DRC11: variants seen among roughly 807,000 people sequenced by gnomAD.
DRC11 encodes the protein dynein regulatory complex subunit 11.
chr2:236,392,312 G>A, the DRC11 span: 1 of 1,599,120 alleles, frequency 6.3e-7, no homozygotes. The surrounding 1 kb of genome is among the most constrained non-coding windows in gnomAD (Gnocchi z 5.1). Flanking sequence ...TCATAGTCCT[G>A]AGAGAAATTC....
At chr2:236,432,134 G>A in the DRC11 span, among the ~76,000 whole-genome samples, 4 of 152,108 alleles carry the variant, frequency 2.6e-5, no homozygotes, top group East Asian at 5.8e-4. Flanking sequence ...GTGTGAAATA[G>A]CATTACATTT....
chr2:236,371,552 C>T, the DRC11 span, among the ~76,000 whole-genome samples: 1 of 152,274 alleles, frequency 6.6e-6, no homozygotes, highest in South Asian at 2.1e-4. This position sits in a 1 kb window ranked among gnomAD's most constrained non-coding sequence, Gnocchi z 5.1. Context: ...GTCTGCAATG[C>T]CGTGTTGTCA....
At chr2:236,423,199 A>C in the DRC11 span, among the ~76,000 whole-genome samples, 1 of 151,962 alleles carries the variant, frequency 6.6e-6, no homozygotes, top group African/African-American at 2.4e-5. Flanking sequence ...AAATTGACAA[A>C]TGGGATCTAA....
the DRC11 span, among the ~76,000 whole-genome samples, chr2:236,449,512 A>G: frequency 6.6e-6 from 1 of 152,206 alleles, no homozygotes; most frequent in Non-Finnish European, 1.5e-5. This position sits in a 1 kb window ranked among gnomAD's most constrained non-coding sequence, Gnocchi z 5.1. Context: ...CGAGCCCCAC[A>G]GTCCGGAGGC....
chr2:236,427,058 C>T, the DRC11 span, among the ~76,000 whole-genome samples: 1 of 152,168 alleles, frequency 6.6e-6, no homozygotes, highest in South Asian at 2.1e-4. The surrounding 1 kb of genome is among the most constrained non-coding windows in gnomAD (Gnocchi z 5.9). Context: ...ATCCCTCATT[C>T]TGTTAATGTG....
chr2:236,332,567 T>A, the DRC11 span: 3 of 152,168 alleles, frequency 2.0e-5, no homozygotes, highest in Non-Finnish European at 4.4e-5. The surrounding 1 kb of genome is among the most constrained non-coding windows in gnomAD (Gnocchi z 5.1). Context: ...AACCATTTTT[T>A]AAAAAATGAC....
chr2:236,366,141 T>C, the DRC11 span, among the ~76,000 whole-genome samples: 6 of 152,152 alleles, frequency 3.9e-5, no homozygotes, highest in Non-Finnish European at 7.4e-5. Flanking sequence ...TTCTCCCTGA[T>C]CTCTACGTGG....
chr2:236,497,580 C>T, the DRC11 span: 2 of 828,494 alleles, frequency 2.4e-6, no homozygotes, highest in South Asian at 1.8e-5. The surrounding 1 kb of genome is among the most constrained non-coding windows in gnomAD (Gnocchi z 5.1). Flanking sequence ...AAATATAACA[C>T]AGAATCAAGT....
the DRC11 span, among the ~76,000 whole-genome samples, chr2:236,307,029 G>T: frequency 6.6e-6 from 1 of 152,132 alleles, no homozygotes; most frequent in Non-Finnish European, 1.5e-5. The surrounding 1 kb of genome is among the most constrained non-coding windows in gnomAD (Gnocchi z 7.0). Context: ...ATGGGGCGGG[G>T]TGATTGTGGG....
the DRC11 span, among the ~76,000 whole-genome samples, chr2:236,411,154 A>G: frequency 6.6e-6 from 1 of 151,126 alleles, no homozygotes; most frequent in Non-Finnish European, 1.5e-5. Flanking sequence ...TCATCTGACA[A>G]AGGGCTAATA....
chr2:236,480,498 C>T, the DRC11 span, among the ~76,000 whole-genome samples: 2 of 152,164 alleles, frequency 1.3e-5, no homozygotes, highest in Admixed American at 1.3e-4. Context: ...CTGTTTGATC[C>T]ATTTTGCTGT....
At chr2:236,338,427 A>T in the DRC11 span, 1 of 1,527,760 alleles carries the variant, frequency 6.5e-7, no homozygotes, top group Non-Finnish European at 8.9e-7. Context: ...GAAAAAAAGA[A>T]TGAAAAAATG....
the DRC11 span, among the ~76,000 whole-genome samples, chr2:236,378,768 GC>G: frequency 6.6e-6 from 1 of 152,022 alleles, no homozygotes; most frequent in East Asian, 1.9e-4. Context: ...AGGCCCCTCT[GC>G]CCCCCAAATC....
At chr2:236,431,621 G>A in the DRC11 span, among the ~76,000 whole-genome samples, 1 of 152,118 alleles carries the variant, frequency 6.6e-6, no homozygotes, top group East Asian at 1.9e-4. The surrounding 1 kb of genome is among the most constrained non-coding windows in gnomAD (Gnocchi z 4.2). Flanking sequence ...TGTGTCTACA[G>A]GTTTACTTTT....
chr2:236,331,503 T>C, the DRC11 span: 1 of 1,613,890 alleles, frequency 6.2e-7, no homozygotes, highest in Non-Finnish European at 8.5e-7. The surrounding 1 kb of genome is among the most constrained non-coding windows in gnomAD (Gnocchi z 4.8). Context: ...CTATATGTCC[T>C]TGGGTGAAGC....
the DRC11 span, among the ~76,000 whole-genome samples, chr2:236,470,416 A>G: frequency 6.6e-6 from 1 of 152,144 alleles, no homozygotes; most frequent in African/African-American, 2.4e-5. This position sits in a 1 kb window ranked among gnomAD's most constrained non-coding sequence, Gnocchi z 5.1. Flanking sequence ...GAGATTGATG[A>G]GCACCACGGC....
the DRC11 span, among the ~76,000 whole-genome samples, chr2:236,488,756 A>G: frequency 6.6e-6 from 1 of 152,268 alleles, no homozygotes; most frequent in Non-Finnish European, 1.5e-5. Context: ...AAACATGATG[A>G]GTACTAGTAA....
chr2:236,309,687 G>C, the DRC11 span, among the ~76,000 whole-genome samples: 1 of 152,162 alleles, frequency 6.6e-6, no homozygotes, highest in Admixed American at 6.5e-5. The surrounding 1 kb of genome is among the most constrained non-coding windows in gnomAD (Gnocchi z 5.7). Flanking sequence ...GGTCATCCTA[G>C]AGCATGTTCT....
At chr2:236,486,627 T>C in the DRC11 span, among the ~76,000 whole-genome samples, 2 of 152,328 alleles carry the variant, frequency 1.3e-5, no homozygotes, top group East Asian at 1.9e-4. The surrounding 1 kb of genome is among the most constrained non-coding windows in gnomAD (Gnocchi z 5.7). Flanking sequence ...TTCTGCATCT[T>C]GCACAGAAAT....
Sources: gnomAD v4.1 joint callset for allele counts (sites outside exome capture counted in the v4.1 genomes callset) on GRCh38, gnomAD v4.1.1 for gene constraint, Gnocchi (gnomAD v3.1) non-coding constraint, MANE v1.5 for transcripts, NCBI Gene and HGNC (gene_info 2026-07-23, HGNC 2026-07-21) for gene names.